SF3B3: variants seen among roughly 807,000 people sequenced by gnomAD.
SF3B3 encodes splicing factor 3b subunit 3, also known as SAP 130.
A neutral mutation model predicts 139.2 loss-of-function variants in SF3B3; 33 were observed. The ratio of observed to expected loss-of-function variants is 0.24; its 90% CI spans 0.18 to 0.32. The LOEUF (loss-of-function observed/expected upper bound fraction) is 0.32. Among genes scored for constraint, SF3B3 ranks in the 10% least tolerant of loss-of-function variants. SF3B3 has a pLI of 1.00. For synonymous variants in SF3B3, 596 were observed against 563.6 expected (o/e 1.06, Z -0.81); for missense variants, 818 against 1,509.4 (o/e 0.54, Z 7.59).
chr16:70,532,109 A>G (rs901418745), intron 4 of SF3B3, among the ~76,000 whole-genome samples: 7 of 152,138 alleles, frequency 4.6e-5, no homozygotes, highest in Non-Finnish European at 8.8e-5. Context: ...CCTGACCAAC[A>G]TGGAGAAACC....
chr16:70,526,525 A>G lies in SF3B3; in HGVS notation c.-70-62A>G, dbSNP rs921960778. On this transcript the variant is annotated intron_variant, in intron 1 of 25. Coordinates refer to ENST00000302516, the MANE Select transcript of SF3B3 (RefSeq NM_012426.5). ...CTGCTGTCTTCATCCAGAATTTCCC[A>G]TACAGAAATGTCTGTTGAAGTAATA... 7.9e-6 allele frequency: 5 copies of G among 633,850 alleles called. No individual in the cohort carries two copies. In the African/African-American group the frequency reaches 9.3e-5, roughly 12 times the overall value. 39.3% of individuals were successfully genotyped at this position (633,850 alleles called of 1,614,324 possible). A position where few individuals can be genotyped will look rare whatever the true frequency, so the allele number is the denominator to read the frequency against.
Position 70,560,578 on chromosome 16 carries a change from A to G in SF3B3, c.2120A>G (p.Gln707Arg). The change falls in exon 16 of 26, where the codon CAA becomes CGA. Residue 707 changes from glutamine to arginine, a missense_variant. Physicochemically the swap from Gln to Arg is conservative, Grantham distance 43. This residue lies in a region of SF3B3 where 170 missense variants were observed against 353.0 expected (regional missense o/e 0.48). Coordinates refer to ENST00000302516, the MANE Select transcript of SF3B3 (RefSeq NM_012426.5). ...GTGAAGCTCTTCCGAGTCCGAATGC[A>G]AGGCCAGGAGGCAGTAAGTAATGAA... The part of the protein sequence containing the change: ...RPVKLFRVRM[Q>R]GQEAVLAMSS... 1 of 1,613,548 alleles carries G rather than the reference A, an allele frequency of 6.2e-7. No individual in the cohort carries two copies. The highest frequency in any genetic ancestry group is 8.5e-7 in the Non-Finnish European group (1 of 1,179,556).
At chr16:70,526,121 C>G (rs1388847474) in intron 1 of SF3B3, among the ~76,000 whole-genome samples, 1 of 152,046 alleles carries the variant, frequency 6.6e-6, no homozygotes, top group African/African-American at 2.4e-5. Context: ...ACTCATAATT[C>G]TCTCTTCTCG....
chr16:70,555,500 A>AAAAG lies in SF3B3; in HGVS notation c.1710+294_1710+295insAAAG, dbSNP rs1555500454. On this transcript the variant is annotated intron_variant, in intron 13 of 25. Coordinates refer to ENST00000302516, the MANE Select transcript of SF3B3 (RefSeq NM_012426.5). ...CTCAAAAAAAAAAAAAAAAAAAAAA[A>AAAAG]GCGAGCTGGAGTGACAGTGTTCACA... is the stretch of plus-strand genomic sequence containing the variant. 7.1e-5 allele frequency among the ~76,000 whole-genome samples: 10 copies of AAAAG among 141,526 alleles called. 1 individual carries two copies. The highest frequency in any genetic ancestry group is 4.3e-4 in the East Asian group (2 of 4,684). The allele number at this position is 141,526 out of a possible 152,430, so 92.8% of individuals were successfully genotyped here. A position where few individuals can be genotyped will look rare whatever the true frequency, so the allele number is the denominator to read the frequency against.
At chr16:70,553,413 A>G (rs1324367663) in intron 11 of SF3B3, among the ~76,000 whole-genome samples, 3 of 152,150 alleles carry the variant, frequency 2.0e-5, no homozygotes, top group Non-Finnish European at 4.4e-5. Context: ...GACGGGTCCT[A>G]TAGCTGCTAC....
intron 8 of SF3B3, among the ~76,000 whole-genome samples, chr16:70,540,364 G>A (rs2050208087): frequency 7.1e-6 from 1 of 140,530 alleles, no homozygotes; most frequent in Non-Finnish European, 1.6e-5. Flanking sequence ...GCCCAGCCGA[G>A]CCTTCTTAGC....
At chr16:70,538,076 G>T in intron 6 of SF3B3, 1 of 665,146 alleles carries the variant, frequency 1.5e-6, no homozygotes. Context: ...CACAGTTTTT[G>T]CCTTATGAAT....
chr16:70,552,348 AT>A (rs1448259234), intron 11 of SF3B3, among the ~76,000 whole-genome samples: 4 of 152,324 alleles, frequency 2.6e-5, no homozygotes, highest in East Asian at 1.9e-4. Flanking sequence ...AACAACTGTT[AT>A]TTTTACACAA....
At position 70,564,059 on chromosome 16, in the gene SF3B3, A is replaced by G; in HGVS notation, c.2463+9A>G. On this transcript the variant is annotated intron_variant, in intron 18 of 25. Coordinates refer to ENST00000302516, the MANE Select transcript of SF3B3 (RefSeq NM_012426.5). ...AGCAGCAGATGGCAGAGGTAATGAGACTAACGTTCAGGGGTTCTATTAAAA... is the reference window on the plus strand; with the variant it reads ...AGCAGCAGATGGCAGAGGTAATGAGGCTAACGTTCAGGGGTTCTATTAAAA... The G allele has an allele frequency of 6.2e-7, 1 of 1,612,730 alleles. No individual in the cohort carries two copies. Among genetic ancestry groups the G allele is most frequent in the Non-Finnish European group, 8.5e-7 (1 of 1,179,446 alleles).
At chr16:70,556,768 G>A (rs1423721284) in intron 14 of SF3B3, 118 bp from the exon 15 acceptor site, 9 of 1,095,656 alleles carry the variant, frequency 8.2e-6, no homozygotes, top group East Asian at 2.5e-5. Flanking sequence ...CTCACTCCCC[G>A]GGTTTTTTCT....
intron 6 of SF3B3, among the ~76,000 whole-genome samples, 164 bp downstream of exon 6, chr16:70,535,584 A>G (rs569353313): frequency 1.3e-5 from 2 of 152,328 alleles, no homozygotes; most frequent in East Asian, 3.9e-4. Flanking sequence ...CTGGTGAAAT[A>G]TTTTAGTAAA....
intron 11 of SF3B3, among the ~76,000 whole-genome samples, chr16:70,552,812 AC>A (rs2050340326): frequency 6.6e-6 from 1 of 152,240 alleles, no homozygotes; most frequent in South Asian, 2.1e-4. Context: ...TTCATAAATT[AC>A]ATTTATTTCT....
chr16:70,550,679 G>A, intron 11 of SF3B3: 2 of 984,890 alleles, frequency 2.0e-6, no homozygotes, highest in Non-Finnish European at 2.4e-6. Flanking sequence ...ATCACCACAG[G>A]TGTGTACCTA....
At chr16:70,530,345 G>A (rs916146330) in intron 3 of SF3B3, among the ~76,000 whole-genome samples, 4 of 144,278 alleles carry the variant, frequency 2.8e-5, no homozygotes, top group African/African-American at 1.0e-4. Context: ...ATGAGGCAGA[G>A]TTTCGCACTT....
At chr16:70,546,511 G>A (rs2050269767) in intron 10 of SF3B3, among the ~76,000 whole-genome samples, 1 of 152,072 alleles carries the variant, frequency 6.6e-6, no homozygotes, top group Non-Finnish European at 1.5e-5. Flanking sequence ...AATGAGCCGA[G>A]AGTGGTGGTG....
chr16:70,533,189 G>A (rs369808868), intron 5 of SF3B3, among the ~76,000 whole-genome samples: 4 of 152,112 alleles, frequency 2.6e-5, no homozygotes, highest in East Asian at 3.9e-4. Context: ...TATGTATTCC[G>A]TTTTAAAACA....
intron 9 of SF3B3, among the ~76,000 whole-genome samples, chr16:70,544,050 T>A (rs2151783729): frequency 6.6e-6 from 1 of 152,096 alleles, no homozygotes; most frequent in African/African-American, 2.4e-5. Context: ...CATATGAAAA[T>A]ATGCATAGAA....
At chr16:70,532,681 A>T (rs2050132970) in intron 5 of SF3B3, 61 bp downstream of exon 5, 2 of 1,518,938 alleles carry the variant, frequency 1.3e-6, no homozygotes, top group South Asian at 2.3e-5. Context: ...GCCCAAACCT[A>T]ATAGGTTTTA....
chr16:70,558,270 AT>A (rs1351473638), intron 15 of SF3B3, among the ~76,000 whole-genome samples: 1 of 96,324 alleles, frequency 1.0e-5, no homozygotes, highest in Non-Finnish European at 1.8e-5. Flanking sequence ...AGTAATTTTA[AT>A]GTTTTTTTTT....
Sources: gnomAD v4.1 joint callset for allele counts (sites outside exome capture counted in the v4.1 genomes callset) on GRCh38, gnomAD v4.1.1 for gene constraint, gnomAD v4.1.1 regional missense constraint, MANE v1.5 for transcripts, NCBI Gene and HGNC (gene_info 2026-07-23, HGNC 2026-07-21) for gene names.